CNTN6: variants seen among roughly 807,000 people sequenced by gnomAD.
The protein encoded by CNTN6 is contactin 6, also known as contactin-6.
A neutral mutation model predicts 122.8 loss-of-function variants in CNTN6; 137 were observed. The observed-to-expected ratio is 1.12, with a 90% CI of 0.97 to 1.29. CNTN6 has a LOEUF of 1.29. Ranked by LOEUF, CNTN6 falls within the 50% of genes most tolerant of loss-of-function variation. CNTN6 has a pLI of 0.00. For synonymous variants in CNTN6, 570 were observed against 426.0 expected (o/e 1.34, Z -4.16); for missense variants, 1,634 against 1,223.4 (o/e 1.34, Z -5.01).
At chr3:1,239,634 A>G (rs1199983470) in intron 4 of CNTN6, among the ~76,000 whole-genome samples, 1 of 152,192 alleles carries the variant, frequency 6.6e-6, no homozygotes, top group Non-Finnish European at 1.5e-5. Context: ...ATTCCCATCA[A>G]GATAGCACCA....
chr3:1,313,932 A>G (rs528558652), intron 7 of CNTN6, among the ~76,000 whole-genome samples: 23 of 152,128 alleles, frequency 1.5e-4, no homozygotes, highest in African/African-American at 5.5e-4. Flanking sequence ...TCTATTTTAT[A>G]AGAACACTAA....
intron 2 of CNTN6, among the ~76,000 whole-genome samples, chr3:1,220,404 AG>A (rs2094191547): frequency 6.6e-6 from 1 of 152,114 alleles, no homozygotes; most frequent in South Asian, 2.1e-4. Context: ...CCTGAAGATT[AG>A]CTGCTTAGAG....
chr3:1,294,970 C>T (rs899751823), intron 5 of CNTN6, among the ~76,000 whole-genome samples: 1 of 152,118 alleles, frequency 6.6e-6, no homozygotes. Flanking sequence ...ATGTAATAAT[C>T]AGGCCAGTGC....
chr3:1,131,794 C>A (rs1184105854), intron 1 of CNTN6, among the ~76,000 whole-genome samples: 1 of 152,116 alleles, frequency 6.6e-6, no homozygotes, highest in East Asian at 1.9e-4. Context: ...AATTGCTATT[C>A]ACCTTGTTAT....
chr3:1,351,622 A>G (rs781477479), intron 11 of CNTN6, among the ~76,000 whole-genome samples: 6 of 151,240 alleles, frequency 4.0e-5, no homozygotes, highest in Admixed American at 6.6e-5. Flanking sequence ...AGAAAATTTA[A>G]TATGGATTAT....
intron 17 of CNTN6, among the ~76,000 whole-genome samples, chr3:1,380,596 C>T (rs145284982): frequency 4.4e-4 from 67 of 152,184 alleles, no homozygotes; most frequent in African/African-American, 1.3e-3. Flanking sequence ...AGGGTTGGCA[C>T]GCTTTTTATT....
intron 5 of CNTN6, among the ~76,000 whole-genome samples, chr3:1,294,436 A>T (rs1017887257): frequency 1.3e-5 from 2 of 152,324 alleles, no homozygotes; most frequent in African/African-American, 4.8e-5. Flanking sequence ...TTGCAGCAGT[A>T]GAAAAAAACA....
chr3:1,352,512 T>C (rs1465920034), intron 12 of CNTN6, 61 bp downstream of exon 12: 1 of 1,588,546 alleles, frequency 6.3e-7, no homozygotes, highest in Non-Finnish European at 8.6e-7. Context: ...ATATTATGAC[T>C]TGTGTTATGG....
chr3:1,326,571 A>G (rs1701572073), intron 9 of CNTN6, among the ~76,000 whole-genome samples: 1 of 151,844 alleles, frequency 6.6e-6, no homozygotes, highest in Non-Finnish European at 1.5e-5. Flanking sequence ...AGTTATCCAC[A>G]TTTCTCCATT....
rs2092477636 is a variant in CNTN6 at position 1,136,479 on chromosome 3, A to C, written c.-82-11448A>C. The stretch of plus-strand genomic sequence containing the variant: ...CCTGTCTTCAAGTTCTGTAATGTAC[A>C]CTGGCCCTGGAGAGATACAGAAATC... On this transcript the variant is annotated intron_variant, in intron 1 of 22. Transcript: ENST00000446702. Among the ~76,000 whole-genome samples the C allele has an allele frequency of 1.3e-5, 2 of 152,186 alleles. 1 individual carries two copies. Among genetic ancestry groups the C allele is most frequent in the Admixed American group, 1.3e-4 (2 of 15,280 alleles).
intron 4 of CNTN6, among the ~76,000 whole-genome samples, chr3:1,229,387 T>C (rs1406361822): frequency 1.3e-5 from 2 of 152,104 alleles, no homozygotes; most frequent in East Asian, 3.9e-4. Context: ...ACACATGATA[T>C]GAATCAGATT....
intron 1 of CNTN6, among the ~76,000 whole-genome samples, chr3:1,129,696 G>T (rs2092283090): frequency 6.6e-6 from 1 of 152,090 alleles, no homozygotes; most frequent in Non-Finnish European, 1.5e-5. Context: ...CAGTGTCAAT[G>T]TTGGTATATC....
intron 1 of CNTN6, among the ~76,000 whole-genome samples, chr3:1,098,463 C>T (rs996139767): frequency 6.6e-6 from 1 of 151,148 alleles, no homozygotes; most frequent in African/African-American, 2.4e-5. Context: ...GAAACAACAA[C>T]AATAAAATTT....
At chr3:1,116,723 G>A (rs184455162) in intron 1 of CNTN6, among the ~76,000 whole-genome samples, 940 of 67,748 alleles carry the variant, frequency 0.014, 15 homozygotes, top group Middle Eastern at 0.058. Context: ...TTTTTTTTTT[G>A]AGACAGGGTC....
intron 17 of CNTN6, among the ~76,000 whole-genome samples, chr3:1,381,610 G>A (rs1056228326): frequency 6.6e-6 from 1 of 152,066 alleles, no homozygotes; most frequent in South Asian, 2.1e-4. Context: ...ATCCAGCCCC[G>A]GCTTGAATAG....
chr3:1,147,781 T>A (rs2092753243), intron 1 of CNTN6, 146 bp from the exon 2 acceptor site: 2 of 360,906 alleles, frequency 5.5e-6, no homozygotes, highest in Non-Finnish European at 1.0e-5. Flanking sequence ...GCAGAACAAA[T>A]GTATGTGTAG....
intron 2 of CNTN6, among the ~76,000 whole-genome samples, chr3:1,207,248 C>T (rs1483131766): frequency 1.3e-5 from 2 of 152,078 alleles, no homozygotes; most frequent in African/African-American, 2.4e-5. Context: ...CCCTCCATTT[C>T]CTTAGGCTGA....
intron 1 of CNTN6, among the ~76,000 whole-genome samples, chr3:1,135,484 C>T (rs577058495): frequency 6.6e-6 from 1 of 152,250 alleles, no homozygotes; most frequent in Admixed American, 6.5e-5. Context: ...ATTATTTTCC[C>T]CTTTCCTTCT....
intron 2 of CNTN6, among the ~76,000 whole-genome samples, chr3:1,180,241 T>C (rs1383200832): frequency 1.3e-5 from 2 of 152,090 alleles, no homozygotes; most frequent in African/African-American, 4.8e-5. Flanking sequence ...GAGAGAAAGA[T>C]ACATAAAGAA....
Sources: allele counts gnomAD v4.1 joint callset (sites outside exome capture counted in the v4.1 genomes callset), GRCh38; gene constraint gnomAD v4.1.1; transcripts MANE v1.5; gene names NCBI Gene and HGNC (gene_info 2026-07-23, HGNC 2026-07-21).